BTBD7: variants seen among roughly 807,000 people sequenced by gnomAD.
BTBD7 encodes the protein BTB domain containing 7, also known as BTB/POZ domain-containing protein 7.
A neutral mutation model predicts 99.9 loss-of-function variants in BTBD7; 38 were observed. The ratio of observed to expected loss-of-function variants is 0.38; its 90% CI spans 0.29 to 0.50. The LOEUF (loss-of-function observed/expected upper bound fraction) is 0.50, where lower values mean the gene tolerates loss of function less well. Among genes scored for constraint, BTBD7 ranks in the 20% least tolerant of loss-of-function variants. The probability of loss-of-function intolerance (pLI) is 0.93; values close to 1 mark genes in which losing one functional copy is unlikely to be tolerated. For missense variants in BTBD7, 1,170 were observed against 1,394.6 expected, an observed-to-expected ratio of 0.84 and a Z score of 2.57; for synonymous variants, 520 against 511.4, an observed-to-expected ratio of 1.02 and a Z score of -0.23.
rs1413231549 is a variant in BTBD7 at position 93,282,597 on chromosome 14, T to C, written c.1162+11261A>G. On this transcript the variant is annotated intron_variant, in intron 3 of 10. Coordinates refer to ENST00000334746, the MANE Select transcript of BTBD7 (RefSeq NM_001002860.4). ...CTGCCTGCCTTGGCCTCCCAAAGGG[T>C]TGGAATTACAGGCACGAGCCACCGC... Among the ~76,000 whole-genome samples, 6 of 152,170 alleles carry C rather than the reference T, an allele frequency of 3.9e-5. No individual in the cohort carries two copies. In the East Asian group the frequency reaches 1.2e-3, roughly 29 times the overall value.
intron 1 of BTBD7, among the ~76,000 whole-genome samples, chr14:93,299,667 T>TG (rs1158754358): frequency 4.7e-5 from 2 of 42,608 alleles, no homozygotes; most frequent in Non-Finnish European, 9.6e-5. Context: ...AACTGTGGGG[T>TG]GGGGGCGGGG....
At chr14:93,332,157 G>C (rs2053438167) in intron 1 of BTBD7, 1 of 152,170 alleles carries the variant, frequency 6.6e-6, no homozygotes. Flanking sequence ...CAAACACTGT[G>C]CAAATAAGGT....
chr14:93,246,019 A>G lies in BTBD7; in HGVS notation c.2389T>C (p.Cys797Arg), dbSNP rs145489029. 118 of 1,613,334 alleles carry G rather than the reference A, an allele frequency of 7.3e-5. No individual in the cohort carries two copies. In the African/African-American group the frequency reaches 1.4e-3, roughly 19 times the overall value. ...CTGGAGTGGAACAGCGAATGATTAC[A>G]GGGATAAGAAAATGAACGTGAAGGG... ...QHPSRSFSYP[C>R]NHSLFHSRTA... The change falls in exon 10 of 11, where the codon TGT becomes CGT. Residue 797 changes from cysteine (C) to arginine (R), a missense_variant. Around this residue, in one of 4 missense-constraint regions of BTBD7, gnomAD observed 495 missense variants for 525.9 expected, o/e 0.94. Transcript: ENST00000334746.
At chr14:93,269,716 A>G (rs1324487741) in intron 3 of BTBD7, among the ~76,000 whole-genome samples, 1 of 152,204 alleles carries the variant, frequency 6.6e-6, no homozygotes, top group Non-Finnish European at 1.5e-5. Context: ...TAGTTTCTAA[A>G]TGCTTGTTGT....
chr14:93,256,315 CAT>C (rs2052429119), intron 6 of BTBD7: 1 of 151,974 alleles, frequency 6.6e-6, no homozygotes, highest in South Asian at 2.1e-4. Context: ...TTAGAAAAAA[CAT>C]ATTATGATGT....
At position 93,251,610 on chromosome 14, in the gene BTBD7, G is replaced by A. The variant is rs147262200; in HGVS notation, c.1795C>T (p.Arg599Cys). 72 of 1,613,092 alleles carry A rather than the reference G, an allele frequency of 4.5e-5. No homozygotes were observed. The highest frequency in any genetic ancestry group is 2.0e-4 in the East Asian group (9 of 44,880). Reference protein sequence around the residue: ...EMMVEQTDLVRLRMVRMSNVP... With the variant: ...EMMVEQTDLVCLRMVRMSNVP... ...TTGGACATTCTAACCATTCGCAAGCGCACAAGATCCGTTTGTTCCACCATC... is the reference window on the plus strand; with the variant it reads ...TTGGACATTCTAACCATTCGCAAGCACACAAGATCCGTTTGTTCCACCATC... The change falls in exon 8 of 11, where the codon CGC (arginine) becomes TGC (cysteine). Residue 599 changes from arginine (R) to cysteine (C), a missense_variant. This residue lies in a region of BTBD7 where 309 missense variants were observed against 342.0 expected (regional missense o/e 0.90). Transcript: ENST00000334746.
rs1429084121 is a variant in BTBD7, at chr14:93,272,944, ATACT to A, written c.1163-8955_1163-8952del. On this transcript the variant is annotated intron_variant, in intron 3 of 10. Transcript: ENST00000334746. ...GCTCCCCCTCACTCCTGCTCATGGGATACTTACTGACTAAATGACCTGCATGTCA... is the reference window on the plus strand; with the variant it reads ...GCTCCCCCTCACTCCTGCTCATGGGATACTGACTAAATGACCTGCATGTCA... Among the ~76,000 whole-genome samples the A allele has an allele frequency of 6.6e-5, 10 of 152,238 alleles. No homozygotes were observed. In the South Asian group the frequency reaches 1.7e-3, roughly 25 times the overall value.
rs1187695532 is a variant in BTBD7, at chr14:93,300,762, GTGTGTGTGTGTA to G, written c.-106-4617_-106-4606del. ...TGTGTGTGTGTGTGTGTGTGTGTGT[GTGTGTGTGTGTA>G]TATATATATATATTTTTTTTTTGTA... On this transcript the variant is annotated intron_variant, in intron 1 of 10. Coordinates refer to ENST00000334746, the MANE Select transcript of BTBD7 (RefSeq NM_001002860.4). Among the ~76,000 whole-genome samples the G allele has an allele frequency of 4.2e-3, 140 of 33,288 alleles. 14 individuals carry two copies. Among genetic ancestry groups the G allele is most frequent in the African/African-American group, 0.011 (41 of 3,820 alleles). 21.8% of individuals were successfully genotyped at this position (33,288 alleles called of 152,430 possible).
In BTBD7 at chr14:93,332,721, C is replaced by T. The variant is rs553071977; in HGVS notation, c.-107+99G>A. On this transcript the variant is annotated intron_variant, in intron 1 of 10. Coordinates refer to ENST00000334746, the MANE Select transcript of BTBD7 (RefSeq NM_001002860.4). ...GGCGGCTTGGCCCCAGCCCCGGCGC[C>T]CCCACGCCTAAGAACAGCCCCTTCC... 1.5e-3 allele frequency: 2,045 copies of T among 1,351,910 alleles called. 5 individuals carry two copies. Among genetic ancestry groups the T allele is most frequent in the Non-Finnish European group, 1.7e-3 (1,817 of 1,056,150 alleles). The allele number at this position is 1,351,910 out of a possible 1,614,324, so 83.7% of individuals were successfully genotyped here. A position where few individuals can be genotyped will look rare whatever the true frequency, so the allele number is the denominator to read the frequency against.
At chr14:93,310,143 A>G (rs559908728) in intron 1 of BTBD7, among the ~76,000 whole-genome samples, 5 of 152,220 alleles carry the variant, frequency 3.3e-5, no homozygotes, top group African/African-American at 1.2e-4. Flanking sequence ...TCCACTATCT[A>G]CCCAATCCCA....
intron 8 of BTBD7, among the ~76,000 whole-genome samples, chr14:93,250,535 T>C (rs1342913229): frequency 6.6e-6 from 1 of 152,254 alleles, no homozygotes; most frequent in African/African-American, 2.4e-5. Context: ...TGTCACTATG[T>C]CTTTTATTCA....
At chr14:93,326,669 G>T (rs1400666432) in intron 1 of BTBD7, among the ~76,000 whole-genome samples, 3 of 152,092 alleles carry the variant, frequency 2.0e-5, no homozygotes, top group Non-Finnish European at 4.4e-5. Context: ...AGGTGTGGTG[G>T]CGCGTACCTA....
chr14:93,331,104 G>GA lies in BTBD7; in HGVS notation c.-107+1715dup, dbSNP rs201926702. Among the ~76,000 whole-genome samples, 534 of 145,408 alleles carry GA rather than the reference G, an allele frequency of 3.7e-3. 7 individuals are homozygous for GA. Among genetic ancestry groups the GA allele is most frequent in the East Asian group, 0.024 (123 of 5,080 alleles). On this transcript the variant is annotated intron_variant, in intron 1 of 10. Coordinates refer to ENST00000334746, the MANE Select transcript of BTBD7 (RefSeq NM_001002860.4). ...TCCGTTTTTATTAAGTTCAGGTTAG[G>GA]AAAAAAAAAAAATCTTCATCAGTTA...
intron 3 of BTBD7, among the ~76,000 whole-genome samples, chr14:93,279,033 T>G (rs1566846457): frequency 6.6e-6 from 1 of 152,200 alleles, no homozygotes; most frequent in Non-Finnish European, 1.5e-5. Flanking sequence ...GATATAAAAT[T>G]TACAGATTTC....
intron 1 of BTBD7, among the ~76,000 whole-genome samples, chr14:93,315,765 A>G (rs1218354293): frequency 6.6e-6 from 1 of 152,128 alleles, no homozygotes; most frequent in Non-Finnish European, 1.5e-5. Flanking sequence ...TTGCTGTATA[A>G]TATTTCATTG....
chr14:93,291,815 C>G (rs921876418), intron 3 of BTBD7, among the ~76,000 whole-genome samples: 2 of 150,460 alleles, frequency 1.3e-5, no homozygotes, highest in African/African-American at 4.9e-5. Context: ...GAAATTAACT[C>G]AAGATAAACT....
intron 3 of BTBD7, among the ~76,000 whole-genome samples, chr14:93,281,625 TTTA>T (rs1455988030): frequency 1.3e-5 from 2 of 152,150 alleles, no homozygotes; most frequent in African/African-American, 4.8e-5. Context: ...TTTCCCAAGG[TTTA>T]TTAAGTATGA....
At chr14:93,291,015 T>G (rs1319896270) in intron 3 of BTBD7, among the ~76,000 whole-genome samples, 1 of 125,322 alleles carries the variant, frequency 8.0e-6, no homozygotes, top group Non-Finnish European at 1.7e-5. Context: ...TTTTTTTTGG[T>G]AGAGACGAGG....
Position 93,294,055 on chromosome 14 carries a change from T to G in BTBD7, c.965A>C (p.Lys322Thr), listed in dbSNP as rs1377508683. 6.2e-7 allele frequency: 1 copy of G among 1,613,960 alleles called. No homozygotes were observed. The highest frequency in any genetic ancestry group is 8.5e-7 in the Non-Finnish European group (1 of 1,179,956). Residue 322 changes from lysine (K) to threonine (T), a missense_variant, in exon 3 of 11, where the codon AAA becomes ACA. Around this residue, in one of 4 missense-constraint regions of BTBD7, gnomAD observed 359 missense variants for 497.9 expected, o/e 0.72. Transcript: ENST00000334746. ...GTGTAATATCACTGTTGCATATTTT[T>G]TTGGTATAATGGACTCATCTAATAT... ...RIILDESIIPKKYATVILHCM... is the reference protein window; with the variant it reads ...RIILDESIIPTKYATVILHCM...
Sources: gnomAD v4.1 joint callset for allele counts (sites outside exome capture counted in the v4.1 genomes callset) on GRCh38, gnomAD v4.1.1 for gene constraint, gnomAD v4.1.1 regional missense constraint, MANE v1.5 for transcripts, NCBI Gene and HGNC (gene_info 2026-07-23, HGNC 2026-07-21) for gene names.